The following CASZ1 variants were observed in gnomAD, a reference collection of about 807,000 sequenced individuals.
CASZ1 encodes the protein zinc finger protein castor homolog 1.
A neutral mutation model predicts 135.2 loss-of-function variants in CASZ1; 28 were observed. The observed-to-expected ratio is 0.21, with a 90% CI of 0.15 to 0.28. The LOEUF (loss-of-function observed/expected upper bound fraction) is 0.28, where lower values mean the gene tolerates loss of function less well. Among genes scored for constraint, CASZ1 ranks in the 10% least tolerant of loss-of-function variants. CASZ1 has a pLI of 1.00. For missense variants in CASZ1, 2,161 were observed against 2,453.3 expected, an observed-to-expected ratio of 0.88 and a Z score of 2.52; for synonymous variants, 1,068 against 1,073.4, an observed-to-expected ratio of 0.99 and a Z score of 0.10.
At chr1:10,745,501 C>T (rs1640023322) in intron 2 of CASZ1, among the ~76,000 whole-genome samples, 1 of 152,200 alleles carries the variant, frequency 6.6e-6, no homozygotes, top group Non-Finnish European at 1.5e-5. Flanking sequence ...GGCCGGCTTC[C>T]TGGGTGTGCA....
At chr1:10,668,064 C>G (rs1338172526) in intron 4 of CASZ1, among the ~76,000 whole-genome samples, 1 of 152,216 alleles carries the variant, frequency 6.6e-6, no homozygotes, top group Non-Finnish European at 1.5e-5. Context: ...CTTGCTGGTC[C>G]CAGGGGTGGA....
Position 10,756,135 on chromosome 1 carries a change from GC to G in CASZ1, c.-77+4565del, listed in dbSNP as rs1640251136. Reference sequence around the variant, plus strand: ...ACACGCCCCTCGGAGCCAGGCAGAGGCACCAGCTGTAGGCCTGGGAGAGCCC... The same window carrying G: ...ACACGCCCCTCGGAGCCAGGCAGAGGACCAGCTGTAGGCCTGGGAGAGCCC... On this transcript the variant is annotated intron_variant, in intron 2 of 20. Transcript: ENST00000377022. The surrounding 1 kb of genome is among the most constrained non-coding windows in gnomAD (Gnocchi z 5.9). Among the ~76,000 whole-genome samples the G allele has an allele frequency of 6.6e-6, 1 of 152,062 alleles. No homozygotes were observed. Among genetic ancestry groups the G allele is most frequent in the African/African-American group, 2.4e-5 (1 of 41,402 alleles).
Position 10,665,293 on chromosome 1 carries a change from C to G in CASZ1, c.295G>C (p.Glu99Gln). Residue 99 changes from glutamate (E) to glutamine (Q), a missense_variant, in exon 5 of 21, where the codon GAG (glutamate) becomes CAG (glutamine). Glu to Gln is a conservative substitution (Grantham distance 29, BLOSUM62 2). Around this residue, in one of 7 missense-constraint regions of CASZ1, gnomAD observed 590 missense variants for 609.8 expected, o/e 0.97. Transcript: ENST00000377022. ...CCCAACACGGGTGTGGGTGCCGGCT[C>G]CTCGCTGTACTCCCCGTTCACCCAC... The part of the protein sequence containing the change: ...EKWVNGEYSE[E>Q]PAPTPVLGRI... 1.9e-6 allele frequency: 3 copies of G among 1,612,786 alleles called. No individual in the cohort carries two copies. Among genetic ancestry groups the G allele is most frequent in the Non-Finnish European group, 2.5e-6 (3 of 1,179,262 alleles).
chr1:10,658,170 C>T (rs1570427286), intron 7 of CASZ1: 1 of 298,526 alleles, frequency 3.3e-6, no homozygotes, highest in South Asian at 4.8e-5. Flanking sequence ...TTCACGGTGG[C>T]CTGCACCCTA....
At chr1:10,703,023 A>G (rs1398356038) in intron 3 of CASZ1, among the ~76,000 whole-genome samples, 2 of 149,772 alleles carry the variant, frequency 1.3e-5, no homozygotes, top group African/African-American at 5.0e-5. Context: ...GGTGGTGGGA[A>G]GGCAAGGAGG....
Position 10,665,371 on chromosome 1 carries a change from C to T in CASZ1, c.217G>A (p.Ala73Thr), listed in dbSNP as rs976024577. Residue 73 changes from alanine (A) to threonine (T), a missense_variant, in exon 5 of 21, where the codon GCA (alanine) becomes ACA (threonine). By Grantham distance (58) the Ala-to-Thr change is moderately conservative. Around this residue, in one of 7 missense-constraint regions of CASZ1, gnomAD observed 590 missense variants for 609.8 expected, o/e 0.97. Transcript: ENST00000377022. ...TCCTCGCTGCGGGGGGCCCGGGCTG[C>T]CCCAGACTCAGGGCCACTGCGCTCT... is the stretch of plus-strand genomic sequence containing the variant. ...DQERSGPESGAARAPRSEEDK... is the reference protein window; with the variant it reads ...DQERSGPESGTARAPRSEEDK... The T allele has an allele frequency of 6.2e-7, 1 of 1,611,782 alleles. No individual in the cohort carries two copies. The highest frequency in any genetic ancestry group is 1.3e-5 in the African/African-American group (1 of 74,890).
intron 2 of CASZ1, among the ~76,000 whole-genome samples, chr1:10,713,226 G>A (rs537898492): frequency 6.6e-6 from 1 of 152,318 alleles, no homozygotes; most frequent in South Asian, 2.1e-4. Context: ...CATTACATCC[G>A]GGGGGATTTC....
At position 10,659,872 on chromosome 1, in the gene CASZ1, C is replaced by T. The variant is rs530829402; in HGVS notation, c.1170G>A (p.Pro390=). 3.3e-5 allele frequency: 53 copies of T among 1,610,544 alleles called. No homozygotes were observed. The highest frequency in any genetic ancestry group is 3.4e-4 in the Middle Eastern group (2 of 5,880). The change falls in exon 6 of 21, where the codon CCG becomes CCA. Residue 390 remains proline (P), a synonymous_variant. Transcript: ENST00000377022. Reference sequence around the variant, plus strand: ...GTGCGGGAGCCAGGCTGGGGGTGGGCGGAACCTTGGCGGGGCCTGGCTTCT... The same window carrying T: ...GTGCGGGAGCCAGGCTGGGGGTGGGTGGAACCTTGGCGGGGCCTGGCTTCT... ...GIQKPGPAKV[P]PTPSLAPAPL...
At chr1:10,768,965 AC>A (rs1366553494) in intron 1 of CASZ1, among the ~76,000 whole-genome samples, 6 of 151,976 alleles carry the variant, frequency 3.9e-5, no homozygotes, top group African/African-American at 1.2e-4. Context: ...ACATGGTGAA[AC>A]CCCGTCTCTA....
In CASZ1 at chr1:10,653,635, G is replaced by A. The variant is rs761709889; in HGVS notation, c.2422C>T (p.Arg808Cys). Residue 808 changes from arginine to cysteine, a missense_variant, in exon 11 of 21, where the codon CGT becomes TGT. By Grantham distance (180) the Arg-to-Cys change is radical. This residue lies in a region of CASZ1 where 406 missense variants were observed against 387.6 expected (regional missense o/e 1.05). Transcript: ENST00000377022. ...PTPYFPILAG[R>C]GSTSLPVGTP... Reference sequence around the variant, plus strand: ...CCCACAGGCAGGGAGGTGCTCCCACGGCCAGCCAGTATGGGGAAGTAGGGC... The same window carrying A: ...CCCACAGGCAGGGAGGTGCTCCCACAGCCAGCCAGTATGGGGAAGTAGGGC... The A allele has an allele frequency of 9.0e-6, 14 of 1,549,768 alleles. No homozygotes were observed. The highest frequency in any genetic ancestry group is 1.7e-4 in the Middle Eastern group (1 of 5,782).
At chr1:10,685,548 C>T (rs1221515212) in intron 4 of CASZ1, among the ~76,000 whole-genome samples, 1 of 152,242 alleles carries the variant, frequency 6.6e-6, no homozygotes, top group Admixed American at 6.5e-5. Flanking sequence ...TAATCAGAGA[C>T]ACAGACCTGG....
At chr1:10,736,907 T>C (rs1342717907) in intron 2 of CASZ1, among the ~76,000 whole-genome samples, 2 of 152,160 alleles carry the variant, frequency 1.3e-5, no homozygotes, top group Non-Finnish European at 1.5e-5. Context: ...CTGCAGGTGC[T>C]CCTGGGGCCG....
At chr1:10,648,990 C>G in intron 15 of CASZ1, 80 bp downstream of exon 15, 1 of 1,562,808 alleles carries the variant, frequency 6.4e-7, no homozygotes. Context: ...AACTGCTGTA[C>G]CAGCCTGAGC....
chr1:10,776,997 C>G lies in CASZ1; in HGVS notation c.-233-16140G>C, dbSNP rs755464350. ...AGCATCATTCCATGTCTGGAACCGG[C>G]CAGCCTCACCCTGAGCCAGTGGGGA... On this transcript the variant is annotated intron_variant, in intron 1 of 20. Coordinates refer to ENST00000377022, the MANE Select transcript of CASZ1 (RefSeq NM_001079843.3). This position sits in a 1 kb window ranked among gnomAD's most constrained non-coding sequence, Gnocchi z 4.1. Among the ~76,000 whole-genome samples the G allele has an allele frequency of 4.6e-5, 7 of 152,202 alleles. No individual in the cohort carries two copies. Among genetic ancestry groups the G allele is most frequent in the Non-Finnish European group, 8.8e-5 (6 of 68,040 alleles).
At chr1:10,772,641 C>T (rs771278046) in intron 1 of CASZ1, among the ~76,000 whole-genome samples, 12 of 152,146 alleles carry the variant, frequency 7.9e-5, no homozygotes, top group Non-Finnish European at 1.5e-4. Context: ...CCCAGAAGCT[C>T]GGCCAGTTTA....
intron 4 of CASZ1, among the ~76,000 whole-genome samples, chr1:10,671,672 G>T (rs1392258182): frequency 6.6e-6 from 1 of 152,216 alleles, no homozygotes; most frequent in African/African-American, 2.4e-5. Context: ...CTTGGCAGGG[G>T]GGTGGAGCCT....
In CASZ1 at chr1:10,638,222, T is replaced by G. The variant is rs928550684; in HGVS notation, c.*720A>C. On this transcript the variant is annotated 3_prime_UTR_variant, in exon 21 of 21. Transcript: ENST00000377022. The surrounding 1 kb of genome is among the most constrained non-coding windows in gnomAD (Gnocchi z 5.9). ...AAGCCAAAACCAGGCGCATCCTTCCTGTTTGCACCACCAGGGTGGCCGAGA... is the reference window on the plus strand; with the variant it reads ...AAGCCAAAACCAGGCGCATCCTTCCGGTTTGCACCACCAGGGTGGCCGAGA... 6.6e-6 allele frequency: 1 copy of G among 152,440 alleles called. No individual in the cohort carries two copies. The highest frequency in any genetic ancestry group is 1.5e-5 in the Non-Finnish European group (1 of 68,058). The allele number at this position is 152,440 out of a possible 1,614,324, so 9.4% of individuals were successfully genotyped here.
At chr1:10,651,115 A>G (rs750414027) in intron 11 of CASZ1, 39 bp from the exon 12 acceptor site, 13 of 1,449,510 alleles carry the variant, frequency 9.0e-6, no homozygotes, top group Non-Finnish European at 1.2e-5. Flanking sequence ...AGAGGGGCTG[A>G]AGGCCTGGCC....
At chr1:10,656,762 G>A (rs1380815363) in intron 7 of CASZ1, 26 bp from the exon 8 acceptor site, 1 of 1,500,852 alleles carries the variant, frequency 6.7e-7, no homozygotes, top group Non-Finnish European at 9.1e-7. Flanking sequence ...GTGGGGTCAG[G>A]GCCCTGCTGT....
Sources: gnomAD v4.1 joint callset for allele counts (sites outside exome capture counted in the v4.1 genomes callset) on GRCh38, gnomAD v4.1.1 for gene constraint, gnomAD v4.1.1 regional missense constraint, Gnocchi (gnomAD v3.1) non-coding constraint, MANE v1.5 for transcripts, NCBI Gene and HGNC (gene_info 2026-07-23, HGNC 2026-07-21) for gene names.